The following SHROOM3 variants were observed in gnomAD, a reference collection of about 807,000 sequenced individuals.
SHROOM3 encodes protein Shroom3.
In SHROOM3, 47 loss-of-function variants were observed where a neutral mutation model predicts 138.6. The ratio of observed to expected loss-of-function variants is 0.34; its 90% confidence interval spans 0.27 to 0.43. SHROOM3 has a LOEUF of 0.43. SHROOM3 is among the 20% of genes least tolerant of loss of function. The probability of loss-of-function intolerance (pLI) is 1.00; values close to 1 mark genes in which losing one functional copy is unlikely to be tolerated. For synonymous variants in SHROOM3, 1,062 were observed against 1,063.3 expected, an observed-to-expected ratio of 1.00 and a Z score of 0.02; for missense variants, 2,491 against 2,596.5, an observed-to-expected ratio of 0.96 and a Z score of 0.88.
chr4:76,588,379 G>A (rs1438499849), intron 2 of SHROOM3, among the ~76,000 whole-genome samples: 1 of 152,072 alleles, frequency 6.6e-6, no homozygotes, highest in Non-Finnish European at 1.5e-5. Flanking sequence ...CTCCTTCCAG[G>A]AACTGTGGAA....
At chr4:76,536,098 C>G (rs1316835887) in intron 1 of SHROOM3, among the ~76,000 whole-genome samples, 2 of 152,156 alleles carry the variant, frequency 1.3e-5, no homozygotes, top group Non-Finnish European at 2.9e-5. Context: ...TTTGGGCCAC[C>G]CAGTATGGAA....
chr4:76,626,403 A>G (rs1357604391), intron 2 of SHROOM3, among the ~76,000 whole-genome samples: 1 of 152,238 alleles, frequency 6.6e-6, no homozygotes, highest in Non-Finnish European at 1.5e-5. Context: ...CCAAAAAGGC[A>G]GCTTAAAACT....
At chr4:76,775,343 T>TAA (rs1553954322) in intron 10 of SHROOM3, among the ~76,000 whole-genome samples, 16 of 151,534 alleles carry the variant, frequency 1.1e-4, no homozygotes, top group African/African-American at 3.6e-4. Context: ...TGTGTGTGTG[T>TAA]AAACCACAAT....
At chr4:76,658,218 A>G (rs1431720116) in intron 2 of SHROOM3, among the ~76,000 whole-genome samples, 1 of 152,214 alleles carries the variant, frequency 6.6e-6, no homozygotes, top group Admixed American at 6.5e-5. Flanking sequence ...AGGGTTTCAA[A>G]CCTCAAGCCT....
intron 2 of SHROOM3, among the ~76,000 whole-genome samples, chr4:76,634,920 C>T (rs532847358): frequency 2.0e-5 from 3 of 152,170 alleles, no homozygotes; most frequent in Non-Finnish European, 4.4e-5. Flanking sequence ...GACAATTCCA[C>T]ACCCTTTCCT....
intron 1 of SHROOM3, among the ~76,000 whole-genome samples, chr4:76,545,497 G>C (rs753439767): frequency 2.6e-5 from 4 of 152,164 alleles, no homozygotes; most frequent in Non-Finnish European, 5.9e-5. Context: ...AGGAGAGACT[G>C]TCTCCTATTT....
rs779306431 is a variant in SHROOM3 at position 76,738,751 on chromosome 4, T to C, written c.588-10T>C. 14 of 1,614,046 alleles carry C rather than the reference T, an allele frequency of 8.7e-6. No individual in the cohort carries two copies. Among genetic ancestry groups the C allele is most frequent in the Admixed American group, 1.7e-5 (1 of 60,012 alleles). ...GCTCAGTGGTACTGACTGCTTTGTC[T>C]TTCTTCCAGCTCCTCTACTAGTGAC... On this transcript the variant is annotated splice_polypyrimidine_tract_variant and intron_variant, in intron 4 of 10. Coordinates refer to ENST00000296043, the MANE Select transcript of SHROOM3 (RefSeq NM_020859.4).
intron 10 of SHROOM3, 127 bp downstream of exon 10, chr4:76,771,025 T>C: frequency 8.1e-7 from 1 of 1,227,546 alleles, no homozygotes; most frequent in Non-Finnish European, 1.2e-6. Flanking sequence ...AGGGAGAGAA[T>C]ACATGTATAG....
intron 1 of SHROOM3, among the ~76,000 whole-genome samples, chr4:76,471,282 C>T (rs1372672149): frequency 3.4e-5 from 5 of 146,870 alleles, no homozygotes; most frequent in African/African-American, 5.1e-5. Context: ...CTCACTCTGT[C>T]GCCCAGGCTG....
In SHROOM3 at chr4:76,710,147, T is replaced by G; in HGVS notation, c.324-9T>G. The G allele has an allele frequency of 1.2e-6, 2 of 1,614,000 alleles. No individual in the cohort carries two copies. The highest frequency in any genetic ancestry group is 2.2e-5 in the South Asian group (2 of 91,072). ...CATGCTCAGCTTCTTCTTTTCCTATTGTTGACAGAGATGTGTGCACAGACC... is the reference window on the plus strand; with the variant it reads ...CATGCTCAGCTTCTTCTTTTCCTATGGTTGACAGAGATGTGTGCACAGACC... On this transcript the variant is annotated splice_polypyrimidine_tract_variant and intron_variant, in intron 2 of 10. Coordinates refer to ENST00000296043, the MANE Select transcript of SHROOM3 (RefSeq NM_020859.4).
Position 76,463,875 on chromosome 4 carries a change from T to C in SHROOM3, c.168+27655T>C, listed in dbSNP as rs140438116. Among the ~76,000 whole-genome samples the C allele has an allele frequency of 2.0e-5, 3 of 152,366 alleles. No individual in the cohort carries two copies. The East Asian group carries it at 5.8e-4, about 29-fold the overall frequency. On this transcript the variant is annotated intron_variant, in intron 1 of 10. Transcript: ENST00000296043. ...GCAAGTGTTAATGCTTGAAAGCTTC[T>C]ACCTAGAGTTCAGAGTGTGTATGGA...
intron 1 of SHROOM3, among the ~76,000 whole-genome samples, chr4:76,451,235 C>A (rs531964223): frequency 6.6e-6 from 1 of 152,292 alleles, no homozygotes; most frequent in Non-Finnish European, 1.5e-5. Context: ...CAGATGTGAG[C>A]CACTGCACTC....
intron 2 of SHROOM3, among the ~76,000 whole-genome samples, chr4:76,598,003 A>C (rs950184434): frequency 1.3e-5 from 2 of 151,658 alleles, no homozygotes; most frequent in African/African-American, 2.4e-5. Context: ...CTACTGGTGA[A>C]AGTAGATGAG....
chr4:76,710,191 G>C lies in SHROOM3; in HGVS notation c.359G>C (p.Gly120Ala). Residue 120 changes from glycine (G) to alanine (A), a missense_variant, in exon 3 of 11, where the codon GGT becomes GCT. Coordinates refer to ENST00000296043, the MANE Select transcript of SHROOM3 (RefSeq NM_020859.4). ...VCTDPGHADT[G>A]ASNFVSPEHL... The stretch of plus-strand genomic sequence containing the variant: ...ACAGACCCAGGCCATGCAGATACTG[G>C]TGCCTCTAACTTCGTCAGCCCAGAA... 6.2e-7 allele frequency: 1 copy of C among 1,614,122 alleles called. No homozygotes were observed. Among genetic ancestry groups the C allele is most frequent in the Non-Finnish European group, 8.5e-7 (1 of 1,180,014 alleles).
chr4:76,518,109 T>TTG (rs965857144), intron 1 of SHROOM3, among the ~76,000 whole-genome samples: 6 of 152,024 alleles, frequency 3.9e-5, no homozygotes, highest in African/African-American at 1.4e-4. Flanking sequence ...ATTATTTTGG[T>TTG]TGTGTGTGTG....
intron 1 of SHROOM3, among the ~76,000 whole-genome samples, chr4:76,465,340 C>A (rs970219654): frequency 6.6e-6 from 1 of 152,208 alleles, no homozygotes; most frequent in South Asian, 2.1e-4. Context: ...GCTGTTACAC[C>A]TTTGGATCTG....
intron 6 of SHROOM3, among the ~76,000 whole-genome samples, chr4:76,751,218 C>T (rs184782206): frequency 9.4e-4 from 143 of 151,982 alleles, no homozygotes; most frequent in African/African-American, 3.1e-3. Context: ...AATCATAGTA[C>T]GAAGACAAGA....
intron 1 of SHROOM3, among the ~76,000 whole-genome samples, chr4:76,539,810 G>C (rs4440244): frequency 0.032 from 4,916 of 152,220 alleles, 280 homozygotes; most frequent in African/African-American, 0.11. Context: ...TTGTGTGGGG[G>C]TTGCAAGTGA....
At chr4:76,680,227 G>T (rs1302752133) in intron 2 of SHROOM3, among the ~76,000 whole-genome samples, 1 of 149,444 alleles carries the variant, frequency 6.7e-6, no homozygotes, top group East Asian at 2.0e-4. Flanking sequence ...TGCAAGCTCC[G>T]CCTCCTGGGT....
Sources: allele counts gnomAD v4.1 joint callset (sites outside exome capture counted in the v4.1 genomes callset), GRCh38; gene constraint gnomAD v4.1.1; transcripts MANE v1.5; gene names NCBI Gene and HGNC (gene_info 2026-07-23, HGNC 2026-07-21).